Variants in ANK3 observed in about 807,000 individuals in gnomAD.
The protein encoded by ANK3 is ankyrin 3, also known as ankyrin-3.
In ANK3, 57 loss-of-function variants were observed where a neutral mutation model predicts 370.9. The observed-to-expected ratio is 0.15, with a 90% CI of 0.12 to 0.19. The LOEUF is 0.19. ANK3 is among the 10% of genes least tolerant of loss of function. The pLI, the probability that ANK3 is intolerant of heterozygous loss-of-function variation, is 1.00. For synonymous variants in ANK3, 1,929 were observed against 1,946.3 expected, an observed-to-expected ratio of 0.99 and a Z score of 0.23; for missense variants, 4,439 against 5,302.1, an observed-to-expected ratio of 0.84 and a Z score of 5.06.
chr10:60,083,825 T>C (rs1210699639), intron 32 of ANK3: 1 of 435,230 alleles, frequency 2.3e-6, no homozygotes. Context: ...CATGGACATA[T>C]ACAGAACAGA....
chr10:60,331,949 G>A (rs1274291958), intron 1 of ANK3, among the ~76,000 whole-genome samples: 1 of 150,518 alleles, frequency 6.6e-6, no homozygotes, highest in African/African-American at 2.4e-5. Context: ...CTTTAATTAG[G>A]TAACATCTTT....
intron 1 of ANK3, among the ~76,000 whole-genome samples, chr10:60,694,501 G>C (rs1441451999): frequency 6.6e-6 from 1 of 152,078 alleles, no homozygotes; most frequent in African/African-American, 2.4e-5. Context: ...CAGAGAGAAA[G>C]GTCGGGTTAC....
At chr10:60,489,878 A>C (rs1301659363) in intron 2 of ANK3, among the ~76,000 whole-genome samples, 1 of 152,222 alleles carries the variant, frequency 6.6e-6, no homozygotes, top group East Asian at 1.9e-4. Flanking sequence ...ATCTGAAGCT[A>C]TGCTCATATG....
intron 1 of ANK3, among the ~76,000 whole-genome samples, chr10:60,306,451 A>ATATATC (rs1555267342): frequency 7.1e-5 from 2 of 28,176 alleles, no homozygotes; most frequent in African/African-American, 1.5e-4. Context: ...ATATATATAT[A>ATATATC]TATCTATCTT....
At chr10:60,393,108 A>G (rs2063146820), upstream of ANK3, among the ~76,000 whole-genome samples, 1 of 152,328 alleles carries the variant, frequency 6.6e-6, no homozygotes, top group Admixed American at 6.5e-5. Context: ...TCAAATTTTT[A>G]TTAGCTGAAG....
At chr10:60,678,067 T>C (rs753225170) in intron 1 of ANK3, among the ~76,000 whole-genome samples, 1 of 152,160 alleles carries the variant, frequency 6.6e-6, no homozygotes. Flanking sequence ...ACAAATGATA[T>C]AAAACACAGA....
chr10:60,250,505 CAGGTG>C (rs1021317741), intron 7 of ANK3, among the ~76,000 whole-genome samples: 3 of 152,160 alleles, frequency 2.0e-5, no homozygotes, highest in African/African-American at 7.2e-5. Flanking sequence ...GCTGGGACTA[CAGGTG>C]CCTGCCACCA....
intron 16 of ANK3, among the ~76,000 whole-genome samples, chr10:60,187,134 A>ATTTCTTTTATTTTATTTTAT (rs373365875): frequency 6.9e-6 from 1 of 144,738 alleles, no homozygotes; most frequent in African/African-American, 2.5e-5. Flanking sequence ...TGGACATTTT[A>ATTTCTTTTATTTTATTTTAT]TTTATTTTAT....
chr10:60,105,848 C>A, intron 28 of ANK3, 57 bp downstream of exon 28: 2 of 1,515,228 alleles, frequency 1.3e-6, no homozygotes, highest in Non-Finnish European at 1.8e-6. Flanking sequence ...GTAATCTAGT[C>A]ATTCCTTTAA....
At chr10:60,564,392 C>A (rs192321848) in intron 2 of ANK3, among the ~76,000 whole-genome samples, 14 of 152,256 alleles carry the variant, frequency 9.2e-5, no homozygotes, top group African/African-American at 2.9e-4. Context: ...CAAAAGACTT[C>A]AAAAGGTTAT....
rs1012305598 is a variant in ANK3 at position 60,697,791 on chromosome 10, T to C, written c.57+35472A>G. On this transcript the variant is annotated intron_variant, in intron 1 of 43. Transcript: ENST00000373827. Reference sequence around the variant, plus strand: ...AAGACTTAAATGTTAGACCTAAAACTATAAAAACCCTAGAAGAAAACCTAG... The same window carrying C: ...AAGACTTAAATGTTAGACCTAAAACCATAAAAACCCTAGAAGAAAACCTAG... 7.9e-5 allele frequency among the ~76,000 whole-genome samples: 12 copies of C among 152,118 alleles called. No homozygotes were observed. In the South Asian group the frequency reaches 1.0e-3, roughly 13 times the overall value.
At chr10:60,180,838 C>T (rs964656048) in intron 18 of ANK3, among the ~76,000 whole-genome samples, 3 of 151,772 alleles carry the variant, frequency 2.0e-5, no homozygotes, top group African/African-American at 2.4e-5. Context: ...AGAGCTTTCT[C>T]GTCTGAGAGA....
intron 25 of ANK3, among the ~76,000 whole-genome samples, chr10:60,125,733 C>T (rs1446453169): frequency 6.6e-6 from 1 of 152,088 alleles, no homozygotes; most frequent in Non-Finnish European, 1.5e-5. Context: ...GGAGGAAAAT[C>T]TGACTGTTAG....
intron 1 of ANK3, among the ~76,000 whole-genome samples, chr10:60,364,178 C>T (rs948834781): frequency 2.0e-5 from 3 of 151,368 alleles, no homozygotes; most frequent in African/African-American, 7.3e-5. Context: ...CCTTTAATCC[C>T]AGCTACTTGG....
At chr10:60,308,282 G>A (rs1307689393) in intron 1 of ANK3, among the ~76,000 whole-genome samples, 1 of 146,624 alleles carries the variant, frequency 6.8e-6, no homozygotes, top group Non-Finnish European at 1.5e-5. Flanking sequence ...CCTTGACTTT[G>A]GAGGGAATCT....
At chr10:60,263,764 C>T (rs929467790) in intron 6 of ANK3, 71 bp downstream of exon 6, 5 of 1,564,516 alleles carry the variant, frequency 3.2e-6, no homozygotes, top group East Asian at 4.5e-5. Context: ...AGAGGGAGAC[C>T]GGGTGCTCTT....
At chr10:60,401,364 TAA>T (rs1272924551) in intron 2 of ANK3, among the ~76,000 whole-genome samples, 19 of 152,216 alleles carry the variant, frequency 1.2e-4, no homozygotes, top group Admixed American at 1.2e-3. Flanking sequence ...CAAATTTTGT[TAA>T]GAGTGCAAAG....
At chr10:60,086,400 A>G (rs962887697) in intron 30 of ANK3, 11 of 288,916 alleles carry the variant, frequency 3.8e-5, no homozygotes, top group Middle Eastern at 1.0e-3. Context: ...AGTAGATTCA[A>G]TGATACTTCT....
intron 1 of ANK3, among the ~76,000 whole-genome samples, chr10:60,671,679 A>T (rs1184465645): frequency 6.6e-6 from 1 of 152,214 alleles, no homozygotes; most frequent in African/African-American, 2.4e-5. Context: ...GTGGAAATGC[A>T]GCAGTGTGCC....
Sources: gnomAD v4.1 joint callset for allele counts (sites outside exome capture counted in the v4.1 genomes callset) on GRCh38, gnomAD v4.1.1 for gene constraint, MANE v1.5 for transcripts, NCBI Gene and HGNC (gene_info 2026-07-23, HGNC 2026-07-21) for gene names.